The following CRISPLD2 variants were observed in gnomAD, a reference collection of about 807,000 sequenced individuals.
CRISPLD2 encodes the protein cysteine-rich secretory protein LCCL domain-containing 2.
Under a neutral mutation model 71.1 loss-of-function variants are expected in CRISPLD2, and 47 were observed. The observed-to-expected ratio is 0.66, with a 90% CI of 0.52 to 0.84. The LOEUF (loss-of-function observed/expected upper bound fraction) is 0.84. Ranked by LOEUF, CRISPLD2 falls within the 40% of genes least tolerant of loss-of-function variation. The pLI, the probability that CRISPLD2 is intolerant of heterozygous loss-of-function variation, is 0.00. For synonymous variants in CRISPLD2, 317 were observed against 250.1 expected, an observed-to-expected ratio of 1.27 and a Z score of -2.52; for missense variants, 830 against 651.1, an observed-to-expected ratio of 1.27 and a Z score of -2.99.
In CRISPLD2 at chr16:84,880,599, T is replaced by C; in HGVS notation, c.1305+15T>C. On this transcript the variant is annotated intron_variant, in intron 13 of 14. Transcript: ENST00000262424. ...TCTATGCAGATGTGAGTAGGATGCA[T>C]TTTCAACAACTATCTCGCAAAGCCT... is the stretch of plus-strand genomic sequence containing the variant. 1 of 1,609,518 alleles carries C rather than the reference T, an allele frequency of 6.2e-7. No individual in the cohort carries two copies. The highest frequency in any genetic ancestry group is 2.2e-5 in the East Asian group (1 of 44,850).
intron 14 of CRISPLD2, among the ~76,000 whole-genome samples, chr16:84,904,969 A>C (rs565660732): frequency 4.8e-4 from 73 of 152,344 alleles, no homozygotes; most frequent in African/African-American, 1.6e-3. Flanking sequence ...ATCAAAGTTT[A>C]AAACTTTTAT....
chr16:84,857,796 A>G (rs941168204), intron 6 of CRISPLD2, among the ~76,000 whole-genome samples: 15 of 152,236 alleles, frequency 9.9e-5, no homozygotes, highest in Non-Finnish European at 1.6e-4. Context: ...GCAGGGTGGC[A>G]GCAGTGGAGA....
rs377504898 is a variant in CRISPLD2 at position 84,887,400 on chromosome 16, G to T, written c.1306-1830G>T. On this transcript the variant is annotated intron_variant, in intron 13 of 14. Coordinates refer to ENST00000262424, the MANE Select transcript of CRISPLD2 (RefSeq NM_031476.4). Reference sequence around the variant, plus strand: ...GACAGCCACGGCCGTGACATCACTCGGTTGTGAATGGAGGCAAGACCGGAG... The same window carrying T: ...GACAGCCACGGCCGTGACATCACTCTGTTGTGAATGGAGGCAAGACCGGAG... Among the ~76,000 whole-genome samples, 7 of 152,176 alleles carry T rather than the reference G, an allele frequency of 4.6e-5. No individual in the cohort carries two copies. In the East Asian group the frequency reaches 1.2e-3, roughly 25 times the overall value.
chr16:84,867,123 G>A, intron 7 of CRISPLD2, 83 bp downstream of exon 7: 1 of 1,454,998 alleles, frequency 6.9e-7, no homozygotes, highest in South Asian at 1.2e-5. Flanking sequence ...GGGAGCTAGT[G>A]GATTTAGGTC....
chr16:84,869,347 TG>T (rs796744951), intron 8 of CRISPLD2, among the ~76,000 whole-genome samples: 5 of 152,332 alleles, frequency 3.3e-5, no homozygotes, highest in African/African-American at 7.2e-5. Flanking sequence ...CAGAGTCAAA[TG>T]GGAAAACCAT....
chr16:84,901,929 G>A (rs1489325186), intron 14 of CRISPLD2, among the ~76,000 whole-genome samples: 2 of 151,188 alleles, frequency 1.3e-5, no homozygotes, highest in African/African-American at 2.4e-5. Context: ...AAGTAGCTGG[G>A]ATTACAGGCA....
intron 14 of CRISPLD2, among the ~76,000 whole-genome samples, chr16:84,890,046 T>C (rs2071647853): frequency 6.6e-6 from 1 of 152,096 alleles, no homozygotes; most frequent in African/African-American, 2.4e-5. Context: ...ACGGAAATGG[T>C]GCCTACCTAT....
intron 2 of CRISPLD2, 77 bp downstream of exon 2, chr16:84,838,812 A>C: frequency 6.5e-7 from 1 of 1,534,440 alleles, no homozygotes; most frequent in Admixed American, 1.9e-5. Context: ...TTCCCCAGCC[A>C]GCTCTGTTCC....
chr16:84,830,425 C>A (rs776973711), intron 1 of CRISPLD2, among the ~76,000 whole-genome samples: 1 of 152,132 alleles, frequency 6.6e-6, no homozygotes, highest in Non-Finnish European at 1.5e-5. Context: ...AGTTATATTC[C>A]GGGCATGGTG....
At chr16:84,837,048 G>A (rs529091406) in intron 1 of CRISPLD2, among the ~76,000 whole-genome samples, 113 of 152,210 alleles carry the variant, frequency 7.4e-4, no homozygotes, top group African/African-American at 2.6e-3. Flanking sequence ...CTTCATCTTC[G>A]CATCCCCAGT....
At chr16:84,879,093 C>A (rs2071545775) in intron 12 of CRISPLD2, among the ~76,000 whole-genome samples, 2 of 152,208 alleles carry the variant, frequency 1.3e-5, no homozygotes, top group South Asian at 4.1e-4. Context: ...GCCCAGACTG[C>A]TTTCCCTTGA....
chr16:84,859,468 T>C (rs2143246376), intron 6 of CRISPLD2, among the ~76,000 whole-genome samples: 1 of 152,084 alleles, frequency 6.6e-6, no homozygotes, highest in South Asian at 2.1e-4. Flanking sequence ...CCCGGGGAAG[T>C]ATGGGAGAAA....
At chr16:84,876,012 G>C (rs780146895) in intron 11 of CRISPLD2, among the ~76,000 whole-genome samples, 1 of 152,188 alleles carries the variant, frequency 6.6e-6, no homozygotes, top group Non-Finnish European at 1.5e-5. Flanking sequence ...TGGACCAGCA[G>C]GGTTCAGCAA....
chr16:84,901,027 A>ACG (rs1252867891), intron 14 of CRISPLD2, among the ~76,000 whole-genome samples: 1 of 144,896 alleles, frequency 6.9e-6, no homozygotes, highest in Non-Finnish European at 1.5e-5. Flanking sequence ...ACACACACAC[A>ACG]CACACACACA....
At chr16:84,823,668 C>T (rs757962526) in intron 1 of CRISPLD2, among the ~76,000 whole-genome samples, 2 of 152,184 alleles carry the variant, frequency 1.3e-5, no homozygotes, top group African/African-American at 4.8e-5. Context: ...ACAAAGACCC[C>T]TCTTGCAAGG....
rs1040020080 is a variant in CRISPLD2 at position 84,821,338 on chromosome 16, G to C, written c.-75+1205G>C. Among the ~76,000 whole-genome samples, 4 of 152,312 alleles carry C rather than the reference G, an allele frequency of 2.6e-5. No individual in the cohort carries two copies. In the East Asian group the frequency reaches 7.7e-4, roughly 29 times the overall value. ...GATTTTCTGCTTCTGCCCCTGATCT[G>C]GCTGTTCCCACTCAGGAGAAGGGGT... On this transcript the variant is annotated intron_variant, in intron 1 of 14. Coordinates refer to ENST00000262424, the MANE Select transcript of CRISPLD2 (RefSeq NM_031476.4).
intron 6 of CRISPLD2, among the ~76,000 whole-genome samples, chr16:84,860,740 C>G (rs536307224): frequency 1.2e-4 from 18 of 152,340 alleles, no homozygotes; most frequent in African/African-American, 3.4e-4. Flanking sequence ...AATCAATGCC[C>G]TCACTTTAAT....
chr16:84,821,781 T>C (rs1162505192), intron 1 of CRISPLD2, among the ~76,000 whole-genome samples: 1 of 152,210 alleles, frequency 6.6e-6, no homozygotes, highest in Non-Finnish European at 1.5e-5. Context: ...ATGCCATTTG[T>C]AATAATACAA....
At chr16:84,887,384 G>A (rs1056965085) in intron 13 of CRISPLD2, among the ~76,000 whole-genome samples, 7 of 152,174 alleles carry the variant, frequency 4.6e-5, no homozygotes, top group Non-Finnish European at 8.8e-5. Flanking sequence ...TGACAGCCAC[G>A]GCCGTGACAT....
Sources: allele counts gnomAD v4.1 joint callset (sites outside exome capture counted in the v4.1 genomes callset), GRCh38; gene constraint gnomAD v4.1.1; transcripts MANE v1.5; gene names NCBI Gene and HGNC (gene_info 2026-07-23, HGNC 2026-07-21).